Variants in SYNCRIP observed in about 807,000 individuals in gnomAD.
The protein encoded by SYNCRIP is synaptotagmin binding cytoplasmic RNA interacting protein, also known as heterogeneous nuclear ribonucleoprotein Q.
SYNCRIP carries 9 observed loss-of-function variants against 68.9 expected under a neutral mutation model. The ratio of observed to expected loss-of-function variants is 0.13; its 90% CI spans 0.08 to 0.23. The LOEUF (loss-of-function observed/expected upper bound fraction) is 0.23. Ranked by LOEUF, SYNCRIP falls within the 10% of genes least tolerant of loss-of-function variation. The pLI is 1.00. For missense variants in SYNCRIP, 414 were observed against 770.6 expected (o/e 0.54, Z 5.48); for synonymous variants, 258 against 254.0 (o/e 1.02, Z -0.15).
chr6:85,629,884 C>T (rs1336361712), intron 6 of SYNCRIP, among the ~76,000 whole-genome samples: 4 of 150,120 alleles, frequency 2.7e-5, no homozygotes, highest in South Asian at 2.1e-4. Context: ...CTCGGGAGGC[C>T]GAGGCAGCAG....
downstream of SYNCRIP, chr6:85,609,828 G>A (rs533947490): frequency 6.6e-6 from 1 of 151,972 alleles, no homozygotes; most frequent in South Asian, 2.1e-4. Flanking sequence ...GAAGGGACTT[G>A]ACTCGGATTT....
At chr6:85,629,255 TCC>T (rs1033722653) in intron 6 of SYNCRIP, among the ~76,000 whole-genome samples, 1 of 152,128 alleles carries the variant, frequency 6.6e-6, no homozygotes, top group Non-Finnish European at 1.5e-5. Flanking sequence ...TAATCCAGTC[TCC>T]CTTCATCCTT....
intron 6 of SYNCRIP, among the ~76,000 whole-genome samples, chr6:85,635,774 CAAA>C (rs58599854): frequency 0.14 from 10,735 of 79,022 alleles, 504 homozygotes; most frequent in African/African-American, 0.27. Context: ...TTCTATCTCC[CAAA>C]AAAAAAAAAA....
At chr6:85,612,785 T>C, downstream of SYNCRIP, 1 of 1,327,962 alleles carries the variant, frequency 7.5e-7, no homozygotes, top group Non-Finnish European at 1.0e-6. Flanking sequence ...TGCAATAGAA[T>C]ATGCTCCTAT....
intron 6 of SYNCRIP, among the ~76,000 whole-genome samples, chr6:85,631,572 T>C (rs903147975): frequency 1.3e-5 from 2 of 152,192 alleles, no homozygotes; most frequent in African/African-American, 4.8e-5. Context: ...GTACAAATGG[T>C]ACCTTAGACT....
At chr6:85,619,517 T>G (rs1018530468) in intron 8 of SYNCRIP, 100 bp from the exon 9 acceptor site, 3 of 1,074,174 alleles carry the variant, frequency 2.8e-6, no homozygotes, top group African/African-American at 3.3e-5. Flanking sequence ...CACAATCCAT[T>G]AGAAGAATGT....
At chr6:85,613,204 G>A (rs1341540536), downstream of SYNCRIP, among the ~76,000 whole-genome samples, 1 of 149,766 alleles carries the variant, frequency 6.7e-6, no homozygotes, top group Non-Finnish European at 1.5e-5. Context: ...AAAAAAAAAA[G>A]ACTAACAGGA....
rs1364251639 is a variant in SYNCRIP at position 85,641,376 on chromosome 6, T to C, written c.64A>G (p.Ile22Val). The C allele has an allele frequency of 6.2e-7, 1 of 1,613,226 alleles. No individual in the cohort carries two copies. The highest frequency in any genetic ancestry group is 8.5e-7 in the Non-Finnish European group (1 of 1,179,944). ...EEPMDTTSAV[I>V]HSENFQTLLD... Reference sequence around the variant, plus strand: ...AATGTCTGAAAATTTTCTGAATGGATAACTGCAGAAGTAGTATCCATGGGC... The same window carrying C: ...AATGTCTGAAAATTTTCTGAATGGACAACTGCAGAAGTAGTATCCATGGGC... The change falls in exon 2 of 11, where the codon ATC becomes GTC. Residue 22 changes from isoleucine (I) to valine (V), a missense_variant. Transcript: ENST00000369622.
intron 6 of SYNCRIP, among the ~76,000 whole-genome samples, chr6:85,631,513 G>GGCAACAGAA (rs1807788101): frequency 1.3e-5 from 2 of 152,062 alleles, no homozygotes; most frequent in Admixed American, 1.3e-4. Context: ...AAATATAAAG[G>GGCAACAGAA]GCAACAGAAG....
chr6:85,642,271 C>T (rs1809271243), intron 1 of SYNCRIP, among the ~76,000 whole-genome samples: 1 of 152,106 alleles, frequency 6.6e-6, no homozygotes, highest in Non-Finnish European at 1.5e-5. Context: ...GCTCCCCGGG[C>T]GCCGACGACC....
intron 6 of SYNCRIP, among the ~76,000 whole-genome samples, chr6:85,627,846 T>C (rs1345073258): frequency 6.6e-6 from 1 of 152,146 alleles, no homozygotes; most frequent in Non-Finnish European, 1.5e-5. Flanking sequence ...GAGGTTTCAG[T>C]TTTTAAGAAC....
At chr6:85,636,610 G>A (rs1435579932) in intron 6 of SYNCRIP, among the ~76,000 whole-genome samples, 1 of 152,082 alleles carries the variant, frequency 6.6e-6, no homozygotes, top group Non-Finnish European at 1.5e-5. Context: ...AATTATTTAA[G>A]AAAAAGAGAT....
At chr6:85,610,841 A>AT (rs1805181483), downstream of SYNCRIP, 2 of 152,098 alleles carry the variant, frequency 1.3e-5, no homozygotes, top group African/African-American at 2.4e-5. Flanking sequence ...ATGAAATGTA[A>AT]ATGTTTTGTG....
In SYNCRIP at chr6:85,642,886, T is replaced by A. The variant is rs1023759876; in HGVS notation, c.-102A>T. 1 of 152,522 alleles carries A rather than the reference T, an allele frequency of 6.6e-6. No homozygotes were observed. The highest frequency in any genetic ancestry group is 1.5e-5 in the Non-Finnish European group (1 of 68,058). The allele number at this position is 152,522 out of a possible 1,614,324, so 9.4% of individuals were successfully genotyped here. A position where few individuals can be genotyped will look rare whatever the true frequency, so the allele number is the denominator to read the frequency against. On this transcript the variant is annotated 5_prime_UTR_variant, in exon 1 of 11. Coordinates refer to ENST00000369622, the MANE Select transcript of SYNCRIP (RefSeq NM_006372.5). The stretch of plus-strand genomic sequence containing the variant: ...CGCTGCTCCCTGTGTCCGGCGCGAG[T>A]GGAGCTGTTGTAAAATGGCGGCCGA...
Position 85,640,201 on chromosome 6 carries a change from G to A in SYNCRIP, c.375+20C>T, listed in dbSNP as rs754973819. 19 of 1,525,788 alleles carry A rather than the reference G, an allele frequency of 1.2e-5. 1 individual carries two copies. In the South Asian group the frequency reaches 2.1e-4, roughly 17 times the overall value. The allele number at this position is 1,525,788 out of a possible 1,614,324, so 94.5% of individuals were successfully genotyped here. ...CAGTTAAAATGACTTTAAAACTAAAGGGAGTATAGAAAGACATACCTTAAT... is the reference window on the plus strand; with the variant it reads ...CAGTTAAAATGACTTTAAAACTAAAAGGAGTATAGAAAGACATACCTTAAT... On this transcript the variant is annotated intron_variant, in intron 4 of 10. Coordinates refer to ENST00000369622, the MANE Select transcript of SYNCRIP (RefSeq NM_006372.5).
intron 8 of SYNCRIP, among the ~76,000 whole-genome samples, chr6:85,621,788 G>A (rs564858514): frequency 6.6e-6 from 1 of 152,066 alleles, no homozygotes; most frequent in African/African-American, 2.4e-5. Flanking sequence ...GCTGCGGCCA[G>A]TATAATTTAC....
chr6:85,641,261 A>AT, intron 2 of SYNCRIP, 31 bp downstream of exon 2: 2 of 1,578,686 alleles, frequency 1.3e-6, no homozygotes. Context: ...GAAAAATTTC[A>AT]TAATGTAATT....
intron 6 of SYNCRIP, among the ~76,000 whole-genome samples, chr6:85,632,720 C>G (rs1807944002): frequency 6.6e-6 from 1 of 151,358 alleles, no homozygotes; most frequent in Non-Finnish European, 1.5e-5. Flanking sequence ...GGCAGTAAGA[C>G]TGCTTGAGGC....
downstream of SYNCRIP, among the ~76,000 whole-genome samples, chr6:85,613,585 C>G (rs1009018102): frequency 6.6e-6 from 1 of 152,102 alleles, no homozygotes; most frequent in African/African-American, 2.4e-5. Flanking sequence ...AACAAAAATC[C>G]AAACTATTAG....
Sources: allele counts gnomAD v4.1 joint callset (sites outside exome capture counted in the v4.1 genomes callset), GRCh38; gene constraint gnomAD v4.1.1; transcripts MANE v1.5; gene names NCBI Gene and HGNC (gene_info 2026-07-23, HGNC 2026-07-21).